MRTFA: variants seen among roughly 807,000 people sequenced by gnomAD.
The protein encoded by MRTFA is myocardin related transcription factor A, also known as myocardin-related transcription factor A.
In MRTFA, 20 loss-of-function variants were observed where a neutral mutation model predicts 83.5. That is an observed-to-expected ratio of 0.24 (90% CI 0.17 to 0.35). The LOEUF (loss-of-function observed/expected upper bound fraction) is 0.35. Among genes scored for constraint, MRTFA ranks in the 10% least tolerant of loss-of-function variants. The probability of loss-of-function intolerance (pLI) is 1.00; values close to 1 mark genes in which losing one functional copy is unlikely to be tolerated. For synonymous variants in MRTFA, 659 were observed against 541.2 expected (o/e 1.22, Z -3.02); for missense variants, 1,200 against 1,224.7 (o/e 0.98, Z 0.30).
chr22:40,418,067 A>G (rs1489141110), intron 12 of MRTFA, among the ~76,000 whole-genome samples: 2 of 152,024 alleles, frequency 1.3e-5, no homozygotes, highest in African/African-American at 2.4e-5. Flanking sequence ...CTCCCCACAG[A>G]GCAGCACTAG....
intron 3 of MRTFA, among the ~76,000 whole-genome samples, chr22:40,471,796 T>C (rs2053920209): frequency 6.6e-6 from 1 of 152,228 alleles, no homozygotes; most frequent in East Asian, 1.9e-4. Context: ...CACTTGAATC[T>C]GGGAGGTCGA....
intron 2 of MRTFA, among the ~76,000 whole-genome samples, chr22:40,572,582 G>C (rs2055811458): frequency 6.6e-6 from 1 of 151,848 alleles, no homozygotes; most frequent in South Asian, 2.1e-4. Flanking sequence ...AGGAAATGAA[G>C]TAGTTACACT....
chr22:40,519,346 C>T (rs2054820195), intron 3 of MRTFA: 1 of 1,111,848 alleles, frequency 9.0e-7, no homozygotes, highest in Admixed American at 2.3e-5. Flanking sequence ...AGAGACTACC[C>T]TCTAGAACTC....
At position 40,564,823 on chromosome 22, in the gene MRTFA, T is replaced by C. The variant is rs1369290310; in HGVS notation, c.-21-12456A>G. Among the ~76,000 whole-genome samples the C allele has an allele frequency of 5.8e-4, 89 of 152,178 alleles. 1 individual carries two copies. The highest frequency in any genetic ancestry group is 1.2e-4 in the Non-Finnish European group (8 of 68,008). On this transcript the variant is annotated intron_variant, in intron 2 of 14. Coordinates refer to ENST00000355630, the MANE Select transcript of MRTFA (RefSeq NM_020831.6). ...CACGCCGCCATTCCCGGCTCATTTT[T>C]TGTATTTTAGTAGACACGGGATTTC... is the stretch of plus-strand genomic sequence containing the variant.
chr22:40,535,819 A>C (rs1279125319), intron 3 of MRTFA, among the ~76,000 whole-genome samples: 2 of 152,212 alleles, frequency 1.3e-5, no homozygotes, highest in Non-Finnish European at 2.9e-5. Flanking sequence ...ACTGTTCGCC[A>C]TAGAAGAGAG....
At chr22:40,496,149 C>T (rs1302360857) in intron 3 of MRTFA, among the ~76,000 whole-genome samples, 1 of 152,080 alleles carries the variant, frequency 6.6e-6, no homozygotes, top group Non-Finnish European at 1.5e-5. Context: ...TTTGGCTCTA[C>T]CACTTAGCAG....
At chr22:40,510,263 T>C (rs554897346) in intron 3 of MRTFA, among the ~76,000 whole-genome samples, 1 of 151,782 alleles carries the variant, frequency 6.6e-6, no homozygotes, top group East Asian at 1.9e-4. Flanking sequence ...ATTAAGCAAA[T>C]CATGATTCAG....
intron 1 of MRTFA, among the ~76,000 whole-genome samples, chr22:40,624,425 CAAAAAA>C (rs35882157): frequency 1.6e-5 from 1 of 62,758 alleles, no homozygotes. Context: ...GACTCCAACT[CAAAAAA>C]AAAAAAAAAA....
chr22:40,578,551 G>T (rs1309759525), intron 2 of MRTFA, among the ~76,000 whole-genome samples: 2 of 152,136 alleles, frequency 1.3e-5, no homozygotes, highest in African/African-American at 2.4e-5. Flanking sequence ...AGGATCACTT[G>T]AGGCCAGGAG....
chr22:40,564,893 C>T (rs2055680454), intron 2 of MRTFA, among the ~76,000 whole-genome samples: 1 of 152,014 alleles, frequency 6.6e-6, no homozygotes, highest in African/African-American at 2.4e-5. Context: ...TCAGGCAATC[C>T]GCCCACCTCG....
At chr22:40,525,288 T>A (rs921064302) in intron 3 of MRTFA, among the ~76,000 whole-genome samples, 1 of 152,214 alleles carries the variant, frequency 6.6e-6, no homozygotes, top group Non-Finnish European at 1.5e-5. Flanking sequence ...ATTATAGAGA[T>A]AAGTGGTAAA....
intron 3 of MRTFA, among the ~76,000 whole-genome samples, chr22:40,546,852 G>A (rs762442442): frequency 2.0e-5 from 3 of 152,148 alleles, no homozygotes; most frequent in Non-Finnish European, 4.4e-5. Flanking sequence ...ACCATTCATT[G>A]ATTCATTCAA....
intron 2 of MRTFA, among the ~76,000 whole-genome samples, chr22:40,568,285 T>G (rs930501140): frequency 2.0e-5 from 3 of 152,236 alleles, no homozygotes; most frequent in Admixed American, 1.3e-4. Flanking sequence ...TAAACTAATC[T>G]ACTCTGGTAA....
At chr22:40,551,975 T>C in intron 3 of MRTFA, 131 bp downstream of exon 3, 1 of 384,878 alleles carries the variant, frequency 2.6e-6, no homozygotes, top group Non-Finnish European at 4.6e-6. Context: ...CTTACAGCTA[T>C]CTATTTTACA....
chr22:40,544,258 G>A (rs1362485844), intron 3 of MRTFA, among the ~76,000 whole-genome samples: 2 of 152,116 alleles, frequency 1.3e-5, no homozygotes, highest in African/African-American at 2.4e-5. Context: ...GTTTTGAGAT[G>A]GGGTCTTGCT....
intron 3 of MRTFA, among the ~76,000 whole-genome samples, chr22:40,515,052 G>T (rs867151867): frequency 1.3e-5 from 2 of 151,644 alleles, no homozygotes; most frequent in Non-Finnish European, 2.9e-5. Flanking sequence ...GGGACTACAG[G>T]CAAGCAGCAC....
intron 3 of MRTFA, among the ~76,000 whole-genome samples, chr22:40,491,515 A>G (rs2034011877): frequency 6.6e-6 from 1 of 152,186 alleles, no homozygotes; most frequent in Non-Finnish European, 1.5e-5. Context: ...AGTGTTATAA[A>G]CCTTAAAGGG....
At chr22:40,593,727 G>C (rs1252526410) in intron 2 of MRTFA, among the ~76,000 whole-genome samples, 3 of 152,168 alleles carry the variant, frequency 2.0e-5, no homozygotes, top group Non-Finnish European at 2.9e-5. Context: ...TTGTGACTGA[G>C]AGAAAGCCAG....
At chr22:40,464,735 T>C (rs2053784625) in intron 3 of MRTFA, among the ~76,000 whole-genome samples, 1 of 152,126 alleles carries the variant, frequency 6.6e-6, no homozygotes, top group Non-Finnish European at 1.5e-5. Context: ...ACCATAACCA[T>C]GCGCCTGCCT....
Sources: gnomAD v4.1 joint callset for allele counts (sites outside exome capture counted in the v4.1 genomes callset) on GRCh38, gnomAD v4.1.1 for gene constraint, MANE v1.5 for transcripts, NCBI Gene and HGNC (gene_info 2026-07-23, HGNC 2026-07-21) for gene names.